Variants in DNM3 observed in about 807,000 individuals in gnomAD.
The protein encoded by DNM3 is dynamin-3.
DNM3 carries 47 observed loss-of-function variants against 101.6 expected under a neutral mutation model. That is an observed-to-expected ratio of 0.46 (90% CI 0.37 to 0.59). The LOEUF is 0.59. Among genes scored for constraint, DNM3 ranks in the 20% least tolerant of loss-of-function variants. The pLI, the probability that DNM3 is intolerant of heterozygous loss-of-function variation, is 0.00. For missense variants in DNM3, 849 were observed against 1,085.7 expected (o/e 0.78, Z 3.06); for synonymous variants, 385 against 387.9 (o/e 0.99, Z 0.09).
chr1:172,156,203 G>A (rs2058331419), intron 14 of DNM3, among the ~76,000 whole-genome samples: 1 of 152,078 alleles, frequency 6.6e-6, no homozygotes, highest in Non-Finnish European at 1.5e-5. Context: ...GACAGTAGGG[G>A]CATCAACCAG....
chr1:172,288,872 A>G lies in DNM3; in HGVS notation c.1770-19856A>G, dbSNP rs115684260. Among the ~76,000 whole-genome samples, 467 of 152,306 alleles carry G rather than the reference A, an allele frequency of 3.1e-3. 1 individual carries two copies. The highest frequency in any genetic ancestry group is 5.5e-3 in the Non-Finnish European group (377 of 68,008). On this transcript the variant is annotated intron_variant, in intron 15 of 20. Transcript: ENST00000627582. ...GCATTTATTAGCGGTCAGTTTATAT[A>G]TAGTACTAAATGCAAGTAGTCTCTT...
At chr1:172,322,620 C>A (rs981474097) in intron 16 of DNM3, among the ~76,000 whole-genome samples, 3 of 152,102 alleles carry the variant, frequency 2.0e-5, no homozygotes, top group Non-Finnish European at 4.4e-5. Flanking sequence ...TTGTGACTAA[C>A]CTTTCCAGAC....
At chr1:172,374,885 A>G (rs1414083976) in intron 17 of DNM3, among the ~76,000 whole-genome samples, 2 of 152,070 alleles carry the variant, frequency 1.3e-5, no homozygotes, top group Non-Finnish European at 2.9e-5. Context: ...ATCTTTGTAA[A>G]CAGACCTAGT....
chr1:172,253,540 CTCT>C, intron 14 of DNM3, 30 bp from the exon 15 acceptor site: 2 of 1,050,648 alleles, frequency 1.9e-6, no homozygotes, highest in Non-Finnish European at 2.8e-6. Context: ...CTCTCCTCTC[CTCT>C]CCCTCTTTTC....
chr1:172,151,095 T>A (rs2058108495), intron 14 of DNM3, among the ~76,000 whole-genome samples: 1 of 151,616 alleles, frequency 6.6e-6, no homozygotes, highest in African/African-American at 2.4e-5. Context: ...TAAGTGTGTA[T>A]GTATTTGTAT....
At chr1:172,265,854 A>G (rs376766257) in intron 15 of DNM3, among the ~76,000 whole-genome samples, 9 of 152,156 alleles carry the variant, frequency 5.9e-5, no homozygotes, top group African/African-American at 2.2e-4. Context: ...GGGCAGCCAC[A>G]TGGTATTTTC....
intron 18 of DNM3, among the ~76,000 whole-genome samples, chr1:172,384,716 T>G (rs112539838): frequency 5.9e-5 from 9 of 152,356 alleles, no homozygotes; most frequent in African/African-American, 2.2e-4. Context: ...TTTAAATCTA[T>G]TCTTGGAAGA....
chr1:172,227,303 T>TATATATATATATCA (rs1371191024), intron 14 of DNM3, among the ~76,000 whole-genome samples: 1 of 143,132 alleles, frequency 7.0e-6, no homozygotes, highest in Non-Finnish European at 1.5e-5. Flanking sequence ...TATATATATA[T>TATATATATATATCA]ATCACATTTT....
At chr1:172,259,791 C>T (rs749803267) in intron 15 of DNM3, among the ~76,000 whole-genome samples, 1 of 151,934 alleles carries the variant, frequency 6.6e-6, no homozygotes, top group Non-Finnish European at 1.5e-5. Flanking sequence ...TACTTGATTC[C>T]TTATTGTTTT....
chr1:172,407,432 T>C (rs1431167557), intron 20 of DNM3, among the ~76,000 whole-genome samples: 1 of 152,108 alleles, frequency 6.6e-6, no homozygotes, highest in Non-Finnish European at 1.5e-5. Flanking sequence ...GTATACCTTA[T>C]TAGTTCCTGA....
At position 172,159,032 on chromosome 1, in the gene DNM3, C is replaced by T. The variant is rs559622831; in HGVS notation, c.1659+27744C>T. Among the ~76,000 whole-genome samples the T allele has an allele frequency of 6.3e-4, 96 of 152,120 alleles. 1 individual carries two copies. Among genetic ancestry groups the T allele is most frequent in the African/African-American group, 2.1e-3 (88 of 41,528 alleles). Reference sequence around the variant, plus strand: ...GCTGCTATGTATGTATGATCACATACTCACAAATAAGGGGCAAAATGAGAG... The same window carrying T: ...GCTGCTATGTATGTATGATCACATATTCACAAATAAGGGGCAAAATGAGAG... On this transcript the variant is annotated intron_variant, in intron 14 of 20. Transcript: ENST00000627582.
chr1:172,361,158 C>T (rs373613635), intron 17 of DNM3, among the ~76,000 whole-genome samples: 1 of 151,980 alleles, frequency 6.6e-6, no homozygotes, highest in Non-Finnish European at 1.5e-5. Flanking sequence ...CACTTGTTCT[C>T]GTTTCACTGG....
intron 15 of DNM3, among the ~76,000 whole-genome samples, chr1:172,254,479 G>C (rs1472055817): frequency 6.6e-6 from 1 of 152,114 alleles, no homozygotes; most frequent in Non-Finnish European, 1.5e-5. Flanking sequence ...TACATTCATT[G>C]TCATTGGTTT....
intron 15 of DNM3, among the ~76,000 whole-genome samples, chr1:172,280,936 C>T (rs1436099682): frequency 2.0e-5 from 3 of 152,092 alleles, no homozygotes; most frequent in Non-Finnish European, 4.4e-5. Flanking sequence ...AGTGGCATTC[C>T]ACATCTGGAG....
intron 15 of DNM3, among the ~76,000 whole-genome samples, chr1:172,275,024 A>G (rs913527548): frequency 6.6e-6 from 1 of 152,058 alleles, no homozygotes; most frequent in Admixed American, 6.6e-5. Context: ...TGGCCATCAC[A>G]AATGTAAGGT....
At chr1:172,316,061 A>G (rs933397432) in intron 16 of DNM3, among the ~76,000 whole-genome samples, 1 of 152,242 alleles carries the variant, frequency 6.6e-6, no homozygotes, top group Non-Finnish European at 1.5e-5. Flanking sequence ...TCTACAAGCC[A>G]GAAGAGAGTG....
intron 1 of DNM3, among the ~76,000 whole-genome samples, chr1:171,892,946 C>G (rs1373184190): frequency 6.6e-6 from 1 of 151,898 alleles, no homozygotes; most frequent in African/African-American, 2.4e-5. Flanking sequence ...CACGGGTCAC[C>G]TCCTGCTGTG....
At chr1:172,170,152 G>A (rs1489676428) in intron 14 of DNM3, among the ~76,000 whole-genome samples, 1 of 151,718 alleles carries the variant, frequency 6.6e-6, no homozygotes, top group East Asian at 1.9e-4. Flanking sequence ...AGAGTTTTTT[G>A]TTTTGTTCTA....
chr1:172,366,361 A>G (rs972845296), intron 17 of DNM3, among the ~76,000 whole-genome samples: 29 of 151,984 alleles, frequency 1.9e-4, no homozygotes, highest in African/African-American at 6.5e-4. Context: ...ATTTAGTATT[A>G]GCCCTCCAAA....
Sources: allele counts gnomAD v4.1 joint callset (sites outside exome capture counted in the v4.1 genomes callset), GRCh38; gene constraint gnomAD v4.1.1; transcripts MANE v1.5; gene names NCBI Gene and HGNC (gene_info 2026-07-23, HGNC 2026-07-21).